Variants in AP1B1 observed in about 807,000 individuals in gnomAD.
AP1B1 encodes AP-1 complex subunit beta-1.
A neutral mutation model predicts 104.3 loss-of-function variants in AP1B1; 36 were observed. That is an observed-to-expected ratio of 0.35 (90% CI 0.26 to 0.46). The LOEUF is 0.46. Among genes scored for constraint, AP1B1 ranks in the 20% least tolerant of loss-of-function variants. The pLI is 1.00. For missense variants in AP1B1, 901 were observed against 1,247.9 expected, an observed-to-expected ratio of 0.72 and a Z score of 4.19; for synonymous variants, 504 against 517.5, an observed-to-expected ratio of 0.97 and a Z score of 0.35.
At chr22:29,364,411 CCTT>C (rs1326179670) in intron 2 of AP1B1, among the ~76,000 whole-genome samples, 2 of 152,100 alleles carry the variant, frequency 1.3e-5, no homozygotes, top group African/African-American at 4.8e-5. Flanking sequence ...TTTCCTGACC[CCTT>C]CTCTTTTATT....
At chr22:29,329,104 A>G (rs563090979) in intron 22 of AP1B1, 31 of 1,378,718 alleles carry the variant, frequency 2.2e-5, no homozygotes, top group Non-Finnish European at 2.9e-5. Context: ...CTTGCAGCCC[A>G]CACACCTGCT....
Position 29,370,089 on chromosome 22 carries a change from G to A in AP1B1, c.-27-2819C>T, listed in dbSNP as rs543211344. Among the ~76,000 whole-genome samples, 5 of 151,942 alleles carry A rather than the reference G, an allele frequency of 3.3e-5. No homozygotes were observed. The South Asian group carries it at 1.0e-3, about 32-fold the overall frequency. ...AAGAGGGATAACTGAAGACAAAAGG[G>A]GCTAAAACTCACAGGCCACAAAGAA... is the stretch of plus-strand genomic sequence containing the variant. On this transcript the variant is annotated intron_variant, in intron 1 of 22. Transcript: ENST00000357586.
intron 2 of AP1B1, among the ~76,000 whole-genome samples, chr22:29,365,154 G>A (rs1452062514): frequency 6.6e-6 from 1 of 152,188 alleles, no homozygotes; most frequent in Non-Finnish European, 1.5e-5. Flanking sequence ...CTGGTAGGGG[G>A]CAGGGCTGAA....
At chr22:29,335,886 G>A (rs758542491) in intron 16 of AP1B1, among the ~76,000 whole-genome samples, 72 of 152,270 alleles carry the variant, frequency 4.7e-4, no homozygotes, top group Non-Finnish European at 8.4e-4. Flanking sequence ...GTGCCACGGC[G>A]GCTGAGAGAG....
intron 11 of AP1B1, 142 bp downstream of exon 11, chr22:29,349,076 G>T: frequency 2.2e-6 from 2 of 928,868 alleles, no homozygotes; most frequent in Non-Finnish European, 3.2e-6. Flanking sequence ...AAAAGGGGCG[G>T]TGTCCATTAC....
At chr22:29,339,249 G>A (rs1260217585) in intron 15 of AP1B1, 116 bp from the exon 16 acceptor site, 2 of 1,193,762 alleles carry the variant, frequency 1.7e-6, no homozygotes, top group Non-Finnish European at 2.4e-6. Context: ...GGGCAGGACA[G>A]CCTCCATATC....
intron 11 of AP1B1, among the ~76,000 whole-genome samples, chr22:29,344,243 G>A (rs545876736): frequency 6.6e-6 from 1 of 152,028 alleles, no homozygotes; most frequent in Non-Finnish European, 1.5e-5. Flanking sequence ...CCAGTCAGCC[G>A]GATGCCTGGA....
intron 9 of AP1B1, among the ~76,000 whole-genome samples, chr22:29,350,444 T>C (rs1008096193): frequency 1.3e-5 from 2 of 152,154 alleles, no homozygotes; most frequent in African/African-American, 4.8e-5. Context: ...GCAAGGTGAC[T>C]ACGCTGCAGT....
chr22:29,356,561 C>G lies in AP1B1; in HGVS notation c.581G>C (p.Ser194Thr). The part of the protein sequence containing the change: ...LSEIAESHPS[S>T]NLLDLNPQSI... The stretch of plus-strand genomic sequence containing the variant: ...CTGTGGGTTCAGATCGAGCAGGTTG[C>G]TGCTGGGGTGAGACTCGGCAATTTC... Residue 194 changes from serine to threonine, a missense_variant, in exon 6 of 23, where the codon AGC becomes ACC. Transcript: ENST00000357586. 6.2e-7 allele frequency: 1 copy of G among 1,614,182 alleles called. No individual in the cohort carries two copies. The highest frequency in any genetic ancestry group is 1.3e-5 in the African/African-American group (1 of 75,050).
At chr22:29,343,969 G>A (rs2061750803) in intron 11 of AP1B1, among the ~76,000 whole-genome samples, 1 of 151,868 alleles carries the variant, frequency 6.6e-6, no homozygotes, top group African/African-American at 2.4e-5. Flanking sequence ...AAATTAGCTG[G>A]GCCTGGTGGC....
intron 21 of AP1B1, 187 bp from the exon 22 acceptor site, chr22:29,329,907 G>C: frequency 7.0e-7 from 1 of 1,436,910 alleles, no homozygotes; most frequent in Non-Finnish European, 9.1e-7. Flanking sequence ...AGCAGAGTTT[G>C]GGGCTGTCCG....
Position 29,331,484 on chromosome 22 carries a change from G to A in AP1B1, c.2489C>T (p.Pro830Leu). The part of the protein sequence containing the change: ...IDVFYFSTLY[P>L]LHILFVEDGK... ...GTCCTCCACAAAGAGGATGTGCAGT[G>A]GGTACAAGGTGCTGAAGTAGAAGAC... Residue 830 changes from proline (P) to leucine (L), a missense_variant, in exon 19 of 23, where the codon CCA (proline) becomes CTA (leucine). By Grantham distance (98) the Pro-to-Leu change is moderately conservative. Transcript: ENST00000357586. 3 of 1,614,160 alleles carry A rather than the reference G, an allele frequency of 1.9e-6. No homozygotes were observed. Among genetic ancestry groups the A allele is most frequent in the Non-Finnish European group, 2.5e-6 (3 of 1,180,030 alleles).
intron 11 of AP1B1, among the ~76,000 whole-genome samples, chr22:29,348,973 A>G (rs2061831915): frequency 6.6e-6 from 1 of 152,262 alleles, no homozygotes; most frequent in South Asian, 2.1e-4. Flanking sequence ...TGACTATGGA[A>G]TTAAAACAAA....
At position 29,358,529 on chromosome 22, in the gene AP1B1, G is replaced by A. The variant is rs566582442; in HGVS notation, c.525+197C>T. Among the ~76,000 whole-genome samples, 9 of 152,296 alleles carry A rather than the reference G, an allele frequency of 5.9e-5. No homozygotes were observed. The East Asian group carries it at 1.5e-3, about 26-fold the overall frequency. On this transcript the variant is annotated intron_variant, in intron 5 of 22. Coordinates refer to ENST00000357586, the MANE Select transcript of AP1B1 (RefSeq NM_001127.4). ...CCCCAGGTTGCGCAGCTAGTCAGAG[G>A]GTGAGGAGAAGGGAATCTAGGTCTA...
intron 16 of AP1B1, among the ~76,000 whole-genome samples, chr22:29,336,804 CAAAAA>C (rs1174010439): frequency 2.7e-5 from 2 of 72,974 alleles, no homozygotes; most frequent in Admixed American, 3.2e-4. Flanking sequence ...AACTCTGTCT[CAAAAA>C]AAAAAAAAAA....
chr22:29,376,945 C>T (rs974512148), intron 1 of AP1B1, among the ~76,000 whole-genome samples: 1 of 152,218 alleles, frequency 6.6e-6, no homozygotes, highest in Non-Finnish European at 1.5e-5. Flanking sequence ...GCCCACAATC[C>T]AGCACTTTGG....
Position 29,334,417 on chromosome 22 carries a change from G to GGAA in AP1B1, c.2164-10_2164-8dup. On this transcript the variant is annotated splice_polypyrimidine_tract_variant and splice_region_variant and intron_variant, in intron 16 of 22. Coordinates refer to ENST00000357586, the MANE Select transcript of AP1B1 (RefSeq NM_001127.4). ...TCATGGCTGGGAGCCAGACCTGCAG[G>GGAA]GAAGAGGGTGCGGAGGGGGCGGGTA... The GGAA allele has an allele frequency of 6.3e-7, 1 of 1,599,970 alleles. No individual in the cohort carries two copies. The highest frequency in any genetic ancestry group is 8.5e-7 in the Non-Finnish European group (1 of 1,175,744).
chr22:29,388,006 CGTTTTCTAGT>C (rs2062558595), intron 1 of AP1B1, among the ~76,000 whole-genome samples: 1 of 152,154 alleles, frequency 6.6e-6, no homozygotes, highest in African/African-American at 2.4e-5. Context: ...GGCACGGGAC[CGTTTTCTAGT>C]TTTTTTTTCT....
chr22:29,372,938 A>C (rs945839144), intron 1 of AP1B1, among the ~76,000 whole-genome samples: 8 of 152,238 alleles, frequency 5.3e-5, no homozygotes, highest in Non-Finnish European at 8.8e-5. Flanking sequence ...TTAAAAGGAA[A>C]GTATGCTGAA....
Sources: gnomAD v4.1 joint callset for allele counts (sites outside exome capture counted in the v4.1 genomes callset) on GRCh38, gnomAD v4.1.1 for gene constraint, MANE v1.5 for transcripts, NCBI Gene and HGNC (gene_info 2026-07-23, HGNC 2026-07-21) for gene names.